Variants in TMEM26 observed in about 807,000 individuals in gnomAD.
The protein encoded by TMEM26 is transmembrane protein 26.
TMEM26 carries 38 observed loss-of-function variants against 28.8 expected under a neutral mutation model. That is an observed-to-expected ratio of 1.32 (90% confidence interval 1.02 to 1.73). The LOEUF (loss-of-function observed/expected upper bound fraction) is 1.73, where lower values mean the gene tolerates loss of function less well. Among genes scored for constraint, TMEM26 ranks in the 40% most tolerant of loss-of-function variants. The pLI, the probability that TMEM26 is intolerant of heterozygous loss-of-function variation, is 0.00. For synonymous variants in TMEM26, 227 were observed against 182.9 expected, an observed-to-expected ratio of 1.24 and a Z score of -1.95; for missense variants, 518 against 447.1, an observed-to-expected ratio of 1.16 and a Z score of -1.43.
Position 61,409,082 on chromosome 10 carries a change from A to G in TMEM26, c.*1240T>C, listed in dbSNP as rs1839531128. 1 of 152,168 alleles carries G rather than the reference A, an allele frequency of 6.6e-6. No homozygotes were observed. Among genetic ancestry groups the G allele is most frequent in the Non-Finnish European group, 1.5e-5 (1 of 68,024 alleles). The allele number at this position is 152,168 out of a possible 1,614,324, so 9.4% of individuals were successfully genotyped here. A position where few individuals can be genotyped will look rare whatever the true frequency, so the allele number is the denominator to read the frequency against. On this transcript the variant is annotated 3_prime_UTR_variant, in exon 6 of 6. Coordinates refer to ENST00000399298, the MANE Select transcript of TMEM26 (RefSeq NM_178505.8). ...GTTTTGGAACTGTTTGCCTCGTGTAATTACTGCTACACACCCGAGCAAATT... is the reference window on the plus strand; with the variant it reads ...GTTTTGGAACTGTTTGCCTCGTGTAGTTACTGCTACACACCCGAGCAAATT...
chr10:61,415,787 A>C (rs1839641903), intron 4 of TMEM26, among the ~76,000 whole-genome samples: 1 of 152,070 alleles, frequency 6.6e-6, no homozygotes, highest in South Asian at 2.1e-4. Flanking sequence ...ATTAGGAGAA[A>C]CATTTATAAA....
At chr10:61,429,175 G>T in intron 3 of TMEM26, 29 bp from the exon 4 acceptor site, 3 of 1,574,800 alleles carry the variant, frequency 1.9e-6, no homozygotes, top group Non-Finnish European at 2.6e-6. Flanking sequence ...ATACAGACAG[G>T]ATTATCAGCC....
chr10:61,443,004 C>T (rs1840119632), intron 1 of TMEM26, among the ~76,000 whole-genome samples: 1 of 152,192 alleles, frequency 6.6e-6, no homozygotes, highest in African/African-American at 2.4e-5. Context: ...ACCCATTAAT[C>T]TTCTTAACTA....
intron 1 of TMEM26, among the ~76,000 whole-genome samples, chr10:61,436,863 T>C (rs77733329): frequency 0.019 from 2,915 of 152,258 alleles, 42 homozygotes; most frequent in South Asian, 0.027. Flanking sequence ...GTTTTCTCAT[T>C]CAAAATTCAG....
intron 4 of TMEM26, among the ~76,000 whole-genome samples, chr10:61,420,184 G>T (rs1839720769): frequency 6.6e-6 from 1 of 152,040 alleles, no homozygotes; most frequent in South Asian, 2.1e-4. Flanking sequence ...CTAGAGAAAA[G>T]AAAATGTTAT....
chr10:61,427,054 G>A (rs10509149), intron 4 of TMEM26, among the ~76,000 whole-genome samples: 22,330 of 151,732 alleles, frequency 0.15, 1,780 homozygotes, highest in East Asian at 0.22. Flanking sequence ...GTCACAATGT[G>A]GTAATATTAA....
Position 61,408,590 on chromosome 10 carries a change from G to A in TMEM26, c.*1732C>T, listed in dbSNP as rs1839524626. 1 of 152,174 alleles carries A rather than the reference G, an allele frequency of 6.6e-6. No homozygotes were observed. 9.4% of individuals were successfully genotyped at this position (152,174 alleles called of 1,614,324 possible). On this transcript the variant is annotated 3_prime_UTR_variant, in exon 6 of 6. Coordinates refer to ENST00000399298, the MANE Select transcript of TMEM26 (RefSeq NM_178505.8). ...TTCTGCTGAGGCATTTTTATAAATA[G>A]CAGTTATTATTTTGCTTTCAACTGC...
At chr10:61,425,206 C>A (rs1839810940) in intron 4 of TMEM26, among the ~76,000 whole-genome samples, 1 of 152,084 alleles carries the variant, frequency 6.6e-6, no homozygotes, top group Non-Finnish European at 1.5e-5. Flanking sequence ...TTGTGAGACT[C>A]ATTCACTATC....
chr10:61,423,332 T>C (rs1180170560), intron 4 of TMEM26, among the ~76,000 whole-genome samples: 1 of 152,188 alleles, frequency 6.6e-6, no homozygotes, highest in African/African-American at 2.4e-5. Flanking sequence ...GAATACTTCT[T>C]GAGGTATTTG....
At chr10:61,425,831 A>T (rs1392890808) in intron 4 of TMEM26, among the ~76,000 whole-genome samples, 1 of 152,158 alleles carries the variant, frequency 6.6e-6, no homozygotes, top group Non-Finnish European at 1.5e-5. Flanking sequence ...ATCCTCATGC[A>T]TTGCTGGTGG....
At chr10:61,441,125 C>A (rs1023337429) in intron 1 of TMEM26, among the ~76,000 whole-genome samples, 1 of 151,810 alleles carries the variant, frequency 6.6e-6, no homozygotes, top group Non-Finnish European at 1.5e-5. Context: ...TGGTTGAATC[C>A]GCAGATGTGG....
At chr10:61,421,539 T>G (rs1196414794) in intron 4 of TMEM26, among the ~76,000 whole-genome samples, 5 of 152,064 alleles carry the variant, frequency 3.3e-5, no homozygotes, top group African/African-American at 9.7e-5. Context: ...CCTAATCCAA[T>G]GACTATTGTC....
intron 4 of TMEM26, among the ~76,000 whole-genome samples, chr10:61,422,572 C>G (rs1160293890): frequency 6.6e-6 from 1 of 151,912 alleles, no homozygotes; most frequent in African/African-American, 2.4e-5. Flanking sequence ...AAAATAATGA[C>G]AGAAGAAATT....
At position 61,452,916 on chromosome 10, in the gene TMEM26, A is replaced by C; in HGVS notation, c.166T>G (p.Phe56Val). 6.2e-7 allele frequency: 1 copy of C among 1,613,842 alleles called. No individual in the cohort carries two copies. The highest frequency in any genetic ancestry group is 8.5e-7 in the Non-Finnish European group (1 of 1,179,840). ...LFLETALTLK[F>V]KRGRGYKWFS... ...CATTTGTAGCCTCTGCCGCGCTTGA[A>C]CTTGAGGGTGAGCGCAGTCTCCAGG... The change falls in exon 1 of 6, where the codon TTC becomes GTC. Residue 56 changes from phenylalanine to valine, a missense_variant. Phe to Val is a conservative substitution (Grantham distance 50). Transcript: ENST00000399298.
chr10:61,447,050 A>G (rs1169295106), intron 1 of TMEM26, among the ~76,000 whole-genome samples: 2 of 152,172 alleles, frequency 1.3e-5, no homozygotes, highest in Admixed American at 6.5e-5. Flanking sequence ...AAAAAGCTAA[A>G]GAGAGATTTC....
intron 4 of TMEM26, among the ~76,000 whole-genome samples, chr10:61,424,606 C>A (rs988494602): frequency 2.0e-5 from 3 of 152,034 alleles, no homozygotes; most frequent in Non-Finnish European, 4.4e-5. Flanking sequence ...ATGCAAAGCA[C>A]CTACAATAGC....
At position 61,415,092 on chromosome 10, in the gene TMEM26, A is replaced by T. The variant is rs1839629704; in HGVS notation, c.606-1557T>A. 3 of 985,314 alleles carry T rather than the reference A, an allele frequency of 3.0e-6. No homozygotes were observed. In the South Asian group the frequency reaches 1.4e-4, roughly 46 times the overall value. 61.0% of individuals were successfully genotyped at this position (985,314 alleles called of 1,614,324 possible). ...TTCTCACATGCACATATGGCATAGA[A>T]CGTGGATAGAAAACCAGTACCCTGG... On this transcript the variant is annotated intron_variant, in intron 4 of 5. Coordinates refer to ENST00000399298, the MANE Select transcript of TMEM26 (RefSeq NM_178505.8).
chr10:61,412,983 G>C, intron 5 of TMEM26: 4 of 1,269,114 alleles, frequency 3.2e-6, no homozygotes, highest in Non-Finnish European at 4.1e-6. Flanking sequence ...GTCTTCTGAA[G>C]TTCTAATACA....
At chr10:61,421,722 C>T (rs1839750938) in intron 4 of TMEM26, among the ~76,000 whole-genome samples, 6 of 152,054 alleles carry the variant, frequency 3.9e-5, no homozygotes, top group Admixed American at 3.9e-4. Context: ...TTCAGAGCCT[C>T]CAATAGGAAC....
Sources: gnomAD v4.1 joint callset for allele counts (sites outside exome capture counted in the v4.1 genomes callset) on GRCh38, gnomAD v4.1.1 for gene constraint, MANE v1.5 for transcripts, NCBI Gene and HGNC (gene_info 2026-07-23, HGNC 2026-07-21) for gene names.